The following RFX3 variants were observed in gnomAD, a reference collection of about 807,000 sequenced individuals.
RFX3 encodes the protein transcription factor RFX3.
In RFX3, 14 loss-of-function variants were observed where a neutral mutation model predicts 98.6. The observed-to-expected ratio is 0.14, with a 90% confidence interval of 0.09 to 0.22. The LOEUF (loss-of-function observed/expected upper bound fraction) is 0.22. RFX3 is among the 10% of genes least tolerant of loss of function. The pLI is 1.00. For missense variants in RFX3, 639 were observed against 926.9 expected, an observed-to-expected ratio of 0.69 and a Z score of 4.03; for synonymous variants, 383 against 328.4, an observed-to-expected ratio of 1.17 and a Z score of -1.80.
intron 2 of RFX3, among the ~76,000 whole-genome samples, chr9:3,392,494 T>A (rs1840417646): frequency 2.9e-5 from 4 of 139,680 alleles, no homozygotes; most frequent in South Asian, 2.3e-4. Context: ...AACAATGAAA[T>A]TGAAAATAGA....
intron 1 of RFX3, among the ~76,000 whole-genome samples, chr9:3,424,586 T>C (rs1313414779): frequency 2.6e-5 from 4 of 151,688 alleles, no homozygotes; most frequent in African/African-American, 9.7e-5. Context: ...GGTCTCGATC[T>C]CCTGACCTCG....
At chr9:3,320,538 C>G (rs1831143042) in intron 4 of RFX3, among the ~76,000 whole-genome samples, 1 of 143,448 alleles carries the variant, frequency 7.0e-6, no homozygotes, top group Admixed American at 7.0e-5. Context: ...GGTGACACAG[C>G]AAGACTGTCC....
At chr9:3,331,902 C>A (rs146235736) in intron 3 of RFX3, among the ~76,000 whole-genome samples, 109 of 152,228 alleles carry the variant, frequency 7.2e-4, no homozygotes, top group African/African-American at 2.2e-3. Flanking sequence ...AAGTGGTCAT[C>A]ACTACTCAGA....
intron 2 of RFX3, among the ~76,000 whole-genome samples, chr9:3,366,998 T>C (rs377222342): frequency 2.6e-5 from 4 of 152,100 alleles, no homozygotes; most frequent in East Asian, 3.8e-4. Flanking sequence ...TAAAGTATTA[T>C]GAAGATTGAT....
chr9:3,504,872 A>ATATATAATATAACATATAT (rs1564185270), intron 1 of RFX3, among the ~76,000 whole-genome samples: 1 of 75,860 alleles, frequency 1.3e-5, no homozygotes, highest in African/African-American at 7.7e-5. Flanking sequence ...AATATATATT[A>ATATATAATATAACATATAT]TATATATTAT....
Position 3,280,094 on chromosome 9 carries a change from G to A in RFX3, c.852-2633C>T, listed in dbSNP as rs144512571. Among the ~76,000 whole-genome samples, 722 of 151,858 alleles carry A rather than the reference G, an allele frequency of 4.8e-3. 7 individuals carry two copies. The highest frequency in any genetic ancestry group is 1.0e-2 in the Admixed American group (152 of 15,204). On this transcript the variant is annotated intron_variant, in intron 7 of 16. Transcript: ENST00000617270. ...CTAACCACAAGAGTAAGGGTAGCAC[G>A]GTGAATAGTGGATTGAAAGATGGAC...
chr9:3,313,147 G>T (rs1454139102), intron 4 of RFX3, among the ~76,000 whole-genome samples: 2 of 152,170 alleles, frequency 1.3e-5, no homozygotes, highest in African/African-American at 2.4e-5. Flanking sequence ...ATACAGCCAG[G>T]TGCTCCTCTG....
intron 7 of RFX3, among the ~76,000 whole-genome samples, chr9:3,284,475 T>G (rs968482526): frequency 6.6e-6 from 1 of 151,556 alleles, no homozygotes; most frequent in Admixed American, 6.6e-5. Flanking sequence ...TCAATAGAAG[T>G]TTTTTTTAAA....
intron 1 of RFX3, among the ~76,000 whole-genome samples, chr9:3,416,879 T>A (rs1255725064): frequency 1.3e-5 from 2 of 151,984 alleles, no homozygotes; most frequent in African/African-American, 4.8e-5. Flanking sequence ...TAGATTTAAA[T>A]CCAACCGTAT....
chr9:3,316,748 T>A (rs1439175307), intron 4 of RFX3, among the ~76,000 whole-genome samples: 1 of 152,162 alleles, frequency 6.6e-6, no homozygotes, highest in East Asian at 1.9e-4. Flanking sequence ...AGCCAAATCA[T>A]GAATGAACTC....
intron 1 of RFX3, among the ~76,000 whole-genome samples, chr9:3,484,224 G>A (rs994871501): frequency 6.6e-6 from 1 of 152,268 alleles, no homozygotes; most frequent in East Asian, 1.9e-4. Context: ...AAAAGATCAT[G>A]GATATATAGA....
intron 1 of RFX3, among the ~76,000 whole-genome samples, chr9:3,467,824 C>T (rs191966601): frequency 6.6e-6 from 1 of 152,268 alleles, no homozygotes; most frequent in East Asian, 1.9e-4. Context: ...CCCCGCCTCC[C>T]ACAGACACAG....
chr9:3,440,134 C>T (rs1012480597), intron 1 of RFX3, among the ~76,000 whole-genome samples: 3 of 152,034 alleles, frequency 2.0e-5, no homozygotes, highest in Admixed American at 1.3e-4. Context: ...CTATTAACAA[C>T]TTGTAGTTAA....
chr9:3,343,587 T>C (rs892404837), intron 3 of RFX3, among the ~76,000 whole-genome samples: 1 of 152,132 alleles, frequency 6.6e-6, no homozygotes, highest in African/African-American at 2.4e-5. Flanking sequence ...TGAAAAAAAT[T>C]TTCTAGTCCT....
intron 2 of RFX3, among the ~76,000 whole-genome samples, chr9:3,368,370 C>G (rs1395842944): frequency 6.6e-6 from 1 of 151,952 alleles, no homozygotes; most frequent in African/African-American, 2.4e-5. Flanking sequence ...CCCTTTGGCA[C>G]TTGTATGACA....
intron 3 of RFX3, among the ~76,000 whole-genome samples, chr9:3,334,185 G>A (rs10971452): frequency 0.14 from 21,523 of 152,128 alleles, 1,669 homozygotes; most frequent in South Asian, 0.25. Context: ...GGGACCATAT[G>A]AACTTCCTGT....
intron 8 of RFX3, among the ~76,000 whole-genome samples, chr9:3,276,288 A>G (rs1825212576): frequency 6.6e-6 from 1 of 152,134 alleles, no homozygotes; most frequent in African/African-American, 2.4e-5. Flanking sequence ...ATACAGGGAC[A>G]TGATCTAGGC....
chr9:3,251,939 C>T (rs138555753), intron 14 of RFX3, among the ~76,000 whole-genome samples: 19,254 of 151,960 alleles, frequency 0.13, 1,287 homozygotes, highest in Middle Eastern at 0.21. Flanking sequence ...ACCTCTGCCT[C>T]CCGGGTTCAA....
intron 1 of RFX3, among the ~76,000 whole-genome samples, chr9:3,474,828 G>A (rs987807123): frequency 6.6e-6 from 1 of 152,172 alleles, no homozygotes; most frequent in Non-Finnish European, 1.5e-5. Flanking sequence ...CAGGTATGGT[G>A]GCTCATGCCT....
Sources: allele counts gnomAD v4.1 joint callset (sites outside exome capture counted in the v4.1 genomes callset), GRCh38; gene constraint gnomAD v4.1.1; transcripts MANE v1.5; gene names NCBI Gene and HGNC (gene_info 2026-07-23, HGNC 2026-07-21).